Variants in WDR24 observed in about 807,000 individuals in gnomAD.
The protein encoded by WDR24 is WD repeat domain 24.
Under a neutral mutation model 66.7 loss-of-function variants are expected in WDR24, and 32 were observed. The ratio of observed to expected loss-of-function variants is 0.48; its 90% CI spans 0.36 to 0.64. The LOEUF (loss-of-function observed/expected upper bound fraction) is 0.64, where lower values mean the gene tolerates loss of function less well. Ranked by LOEUF, WDR24 falls within the 30% of genes least tolerant of loss-of-function variation. The pLI is 0.00. For missense variants in WDR24, 978 were observed against 1,144.1 expected (o/e 0.85, Z 2.09); for synonymous variants, 565 against 469.1 (o/e 1.20, Z -2.64).
intron 8 of WDR24, 44 bp from the exon 9 acceptor site, chr16:684,946 C>T: frequency 6.5e-7 from 1 of 1,536,306 alleles, no homozygotes; most frequent in Non-Finnish European, 8.7e-7. Flanking sequence ...GGGGCTGCTG[C>T]GCTGCCTGCA....
rs1295287258 is a variant in WDR24, at chr16:690,261, TGGGAGC to T, written c.-627_-622del. Reference sequence around the variant, plus strand: ...CGGCGACCCCGGAGTACAGGGTTCCTGGGAGCGGCGCAGTGGCGCGGGGGAGCGGAC... The same window carrying T: ...CGGCGACCCCGGAGTACAGGGTTCCTGGCGCAGTGGCGCGGGGGAGCGGAC... On this transcript the variant is annotated 5_prime_UTR_variant, in exon 1 of 9. Transcript: ENST00000293883. The T allele has an allele frequency of 2.3e-6, 1 of 426,544 alleles. No individual in the cohort carries two copies. Among genetic ancestry groups the T allele is most frequent in the Non-Finnish European group, 4.7e-6 (1 of 212,166 alleles). The allele number at this position is 426,544 out of a possible 1,614,324, so 26.4% of individuals were successfully genotyped here.
At position 690,174 on chromosome 16, in the gene WDR24, T is replaced by A; in HGVS notation, c.-534A>T. 2.5e-6 allele frequency: 1 copy of A among 403,592 alleles called. No individual in the cohort carries two copies. The allele number at this position is 403,592 out of a possible 1,614,324, so 25.0% of individuals were successfully genotyped here. On this transcript the variant is annotated 5_prime_UTR_variant, in exon 1 of 9. Transcript: ENST00000293883. ...GACGCGGGAAGGGCCCAGAGGGACG[T>A]CAAGGACCGAGCTACTTAAGGAGCT...
At position 685,344 on chromosome 16, in the gene WDR24, G is replaced by A. The variant is rs1264113494; in HGVS notation, c.1932C>T (p.Tyr644=). 1 of 1,610,692 alleles carries A rather than the reference G, an allele frequency of 6.2e-7. No homozygotes were observed. Among genetic ancestry groups the A allele is most frequent in the Admixed American group, 1.7e-5 (1 of 60,018 alleles). Residue 644 remains tyrosine (Y), a synonymous_variant, in exon 7 of 9, where the codon TAC becomes TAT. Coordinates refer to ENST00000293883, the MANE Select transcript of WDR24 (RefSeq NM_032259.4). ...GVLVRDMLHF[Y]AEQGDVQMAV... ...CCATCTGCACGTCGCCCTGCTCAGC[G>A]TAGAAGTGCAGCATGTCGCGCACCA...
Position 689,456 on chromosome 16 carries a change from T to G in WDR24, c.185A>C (p.Lys62Thr). The G allele has an allele frequency of 6.2e-7, 1 of 1,613,636 alleles. No individual in the cohort carries two copies. Among genetic ancestry groups the G allele is most frequent in the Non-Finnish European group, 8.5e-7 (1 of 1,180,036 alleles). The change falls in exon 1 of 9, where the codon AAG (lysine) becomes ACG (threonine). Residue 62 changes from lysine to threonine, a missense_variant. Around this residue, in one of 2 missense-constraint regions of WDR24, gnomAD observed 302 missense variants for 526.6 expected, o/e 0.57. Coordinates refer to ENST00000293883, the MANE Select transcript of WDR24 (RefSeq NM_032259.4). ...YAIEEEQFVE[K>T]LNLRVGRKPS... ...CTTGCGCCCCACACGCAGGTTCAGC[T>G]TTTCCACGAACTGTTCCTCCTCGAT...
Position 684,765 on chromosome 16 carries a change from G to A in WDR24, c.2342C>T (p.Ala781Val), listed in dbSNP as rs1202874458. Residue 781 changes from alanine (A) to valine (V), a missense_variant, in exon 9 of 9, where the codon GCA becomes GTA. By Grantham distance (64) the Ala-to-Val change is moderately conservative (BLOSUM62 0). Around this residue, in one of 2 missense-constraint regions of WDR24, gnomAD observed 676 missense variants for 617.5 expected, o/e 1.09. Transcript: ENST00000293883. The part of the protein sequence containing the change: ...KWLEGSSHCP[A>V]GCGHLCEYS ...GTACTCGCAGAGGTGGCCGCAGCCT[G>A]CGGGACAGTGGGAGCTGCCTTCCAG... is the stretch of plus-strand genomic sequence containing the variant. 4 of 1,600,670 alleles carry A rather than the reference G, an allele frequency of 2.5e-6. No homozygotes were observed. The highest frequency in any genetic ancestry group is 1.3e-5 in the African/African-American group (1 of 74,746).
At position 684,676 on chromosome 16, in the gene WDR24, C is replaced by A. The variant is rs1007034933; in HGVS notation, c.*58G>T. 4.0e-6 allele frequency: 6 copies of A among 1,502,702 alleles called. No homozygotes were observed. Among genetic ancestry groups the A allele is most frequent in the Non-Finnish European group, 5.3e-6 (6 of 1,127,656 alleles). 93.1% of individuals were successfully genotyped at this position (1,502,702 alleles called of 1,614,324 possible). A position where few individuals can be genotyped will look rare whatever the true frequency, so the allele number is the denominator to read the frequency against. On this transcript the variant is annotated 3_prime_UTR_variant, in exon 9 of 9. Coordinates refer to ENST00000293883, the MANE Select transcript of WDR24 (RefSeq NM_032259.4). ...AGTTCCAGCCTCCGCCCGTCTCGGG[C>A]ACAAGACCAGGCGGGGTTCTGCACG...
Position 685,693 on chromosome 16 carries a change from G to A in WDR24, c.1664C>T (p.Pro555Leu). 1.2e-6 allele frequency: 2 copies of A among 1,613,092 alleles called. No homozygotes were observed. Among genetic ancestry groups the A allele is most frequent in the Non-Finnish European group, 1.7e-6 (2 of 1,180,008 alleles). ...GEEDELYLLD[P>L]EHAHPEDPEC... ...CCCCCACTCACGGTGCGCGTGTTCC[G>A]GATCCAGCAGGTACAGCTCGTCCTC... Residue 555 changes from proline to leucine, a missense_variant, in exon 6 of 9, where the codon CCG becomes CTG. Pro to Leu is a moderately conservative substitution (Grantham distance 98, BLOSUM62 -3). Coordinates refer to ENST00000293883, the MANE Select transcript of WDR24 (RefSeq NM_032259.4).
In WDR24 at chr16:685,550, G is replaced by A; in HGVS notation, c.1726C>T (p.His576Tyr). 4 of 1,586,126 alleles carry A rather than the reference G, an allele frequency of 2.5e-6. No individual in the cohort carries two copies. Among genetic ancestry groups the A allele is most frequent in the Non-Finnish European group, 3.4e-6 (4 of 1,164,330 alleles). Reference sequence around the variant, plus strand: ...CCGGGAGGCGTGTCCACGATCTCGTGGCGCAGCGGAAAGGCCTCCTGCGGC... The same window carrying A: ...CCGGGAGGCGTGTCCACGATCTCGTAGCGCAGCGGAAAGGCCTCCTGCGGC... ...VLPQEAFPLR[H>Y]EIVDTPPGPE... The change falls in exon 7 of 9, where the codon CAC (histidine) becomes TAC (tyrosine). Residue 576 changes from histidine (H) to tyrosine (Y), a missense_variant. Transcript: ENST00000293883.
chr16:689,380 C>A lies in WDR24; in HGVS notation c.261G>T (p.Glu87Asp). 1 of 1,613,604 alleles carries A rather than the reference C, an allele frequency of 6.2e-7. No homozygotes were observed. The highest frequency in any genetic ancestry group is 8.5e-7 in the Non-Finnish European group (1 of 1,180,014). Residue 87 changes from glutamate (E) to aspartate (D), a missense_variant, in exon 1 of 9, where the codon GAG becomes GAT. By Grantham distance (45) the Glu-to-Asp change is conservative (BLOSUM62 2). This residue lies in a region of WDR24 where 302 missense variants were observed against 526.6 expected (regional missense o/e 0.57). Transcript: ENST00000293883. ...TGGTGGCTGCTGTGGCCAGCAGGTT[C>A]TCATCCATCTGGTGCCAGACCACGT... ...CADVVWHQMD[E>D]NLLATAATNG... is the part of the protein sequence containing the mutation.
At chr16:686,336 C>T (rs1161248868) in intron 3 of WDR24, 150 bp from the exon 4 acceptor site, 2 of 927,768 alleles carry the variant, frequency 2.2e-6, no homozygotes, top group Non-Finnish European at 3.2e-6. Context: ...AGCTGAGGCT[C>T]ATGGGAAAGA....
rs2039899655 is a variant in WDR24, at chr16:685,984, G to A, written c.1458C>T (p.Asn486=). The part of the protein sequence containing the change: ...SCGLPLMNSF[N]LKDMAPGLGS... ...CCAACCCTGGGGCCATATCCTTCAG[G>A]TTGAAACTGGGGGCAGGAAGGGCCC... The change falls in exon 5 of 9, where the codon AAC becomes AAT. Residue 486 remains asparagine (N), a synonymous_variant. Coordinates refer to ENST00000293883, the MANE Select transcript of WDR24 (RefSeq NM_032259.4). 1 of 1,613,054 alleles carries A rather than the reference G, an allele frequency of 6.2e-7. No individual in the cohort carries two copies. The highest frequency in any genetic ancestry group is 8.5e-7 in the Non-Finnish European group (1 of 1,179,976).
At chr16:688,024 A>G (rs2039929918) in intron 1 of WDR24, 3 of 592,302 alleles carry the variant, frequency 5.1e-6, no homozygotes, top group Admixed American at 4.3e-5. Context: ...GCTGTGGTGC[A>G]GCCTCAGGAT....
chr16:685,506 G>A lies in WDR24; in HGVS notation c.1770C>T (p.Asp590=), dbSNP rs2039885858. ...DTPPGPEHLQ[D]KADSPHVSGS... ...CGCTCACGTGCGGGGAGTCGGCCTT[G>A]TCCTGCAGGTGCTCGGGCCCGGGAG... Residue 590 remains aspartate (D), a synonymous_variant, in exon 7 of 9, where the codon GAC becomes GAT. Transcript: ENST00000293883. 1.3e-6 allele frequency: 2 copies of A among 1,595,208 alleles called. No homozygotes were observed. The highest frequency in any genetic ancestry group is 2.7e-5 in the African/African-American group (2 of 74,736).
intron 1 of WDR24, chr16:688,134 C>T (rs1304202570): frequency 8.7e-6 from 4 of 457,864 alleles, no homozygotes; most frequent in African/African-American, 2.0e-5. Flanking sequence ...GGTGCCCCAG[C>T]CTTGGCCCAG....
intron 3 of WDR24, 121 bp from the exon 4 acceptor site, chr16:686,307 G>C (rs1189477144): frequency 8.9e-7 from 1 of 1,119,616 alleles, no homozygotes; most frequent in East Asian, 2.6e-5. Context: ...CCAATGTCCA[G>C]GCCCACCCCA....
Position 684,767 on chromosome 16 carries a change from G to T in WDR24, c.2340C>A (p.Pro780=). Residue 780 remains proline, a synonymous_variant, in exon 9 of 9, where the codon CCC becomes CCA. Transcript: ENST00000293883. ...MKWLEGSSHC[P]AGCGHLCEYS ...ACTCGCAGAGGTGGCCGCAGCCTGC[G>T]GGACAGTGGGAGCTGCCTTCCAGCC... is the stretch of plus-strand genomic sequence containing the variant. 2 of 1,600,212 alleles carry T rather than the reference G, an allele frequency of 1.2e-6. No individual in the cohort carries two copies. The highest frequency in any genetic ancestry group is 2.3e-5 in the East Asian group (1 of 43,920).
Position 690,043 on chromosome 16 carries a change from GAC to G in WDR24, c.-405_-404del. ...GTCAATCCCAGCAGGGGAGCGAGGA[GAC>G]TCCCGCCGTCCACACTGTCAGCCCT... On this transcript the variant is annotated 5_prime_UTR_variant, in exon 1 of 9. Coordinates refer to ENST00000293883, the MANE Select transcript of WDR24 (RefSeq NM_032259.4). 1 of 476,264 alleles carries G rather than the reference GAC, an allele frequency of 2.1e-6. No homozygotes were observed. The highest frequency in any genetic ancestry group is 4.2e-6 in the Non-Finnish European group (1 of 240,458). 29.5% of individuals were successfully genotyped at this position (476,264 alleles called of 1,614,324 possible).
intron 1 of WDR24, among the ~76,000 whole-genome samples, chr16:688,275 G>A (rs1042465053): frequency 5.3e-5 from 8 of 152,156 alleles, no homozygotes. Context: ...CCAGGGCCCT[G>A]CAGGGGAGGC....
intron 3 of WDR24, 57 bp from the exon 4 acceptor site, chr16:686,243 G>T: frequency 1.9e-6 from 3 of 1,567,594 alleles, no homozygotes; most frequent in Non-Finnish European, 2.6e-6. Context: ...CCCCATGCAG[G>T]TCCCTCTCTG....
Sources: gnomAD v4.1 joint callset for allele counts (sites outside exome capture counted in the v4.1 genomes callset) on GRCh38, gnomAD v4.1.1 for gene constraint, gnomAD v4.1.1 regional missense constraint, MANE v1.5 for transcripts, NCBI Gene and HGNC (gene_info 2026-07-23, HGNC 2026-07-21) for gene names.